The following SH2D6 variants were observed in gnomAD, a reference collection of about 807,000 sequenced individuals.
SH2D6 encodes the protein SH2 domain containing 6, also known as SH2 domain-containing protein 6.
In SH2D6, 31 loss-of-function variants were observed where a neutral mutation model predicts 30.2. The ratio of observed to expected loss-of-function variants is 1.03; its 90% confidence interval spans 0.77 to 1.38. The LOEUF is 1.38. Among genes scored for constraint, SH2D6 ranks in the 40% most tolerant of loss-of-function variants. The probability of loss-of-function intolerance (pLI) is 0.00; values close to 1 mark genes in which losing one functional copy is unlikely to be tolerated. For missense variants in SH2D6, 240 were observed against 266.8 expected (o/e 0.90, Z 0.70); for synonymous variants, 93 against 104.6 (o/e 0.89, Z 0.68).
chr2:85,432,463 A>AAG, intron 14 of SH2D6, among the ~76,000 whole-genome samples: 1 of 150,886 alleles, frequency 6.6e-6, no homozygotes, highest in African/African-American at 2.4e-5. Context: ...GCAGTGGCGC[A>AAG]ATCTCGGCTC....
chr2:85,435,540 C>T lies in SH2D6; in HGVS notation c.732+44C>T, dbSNP rs779575401. 10 of 1,604,290 alleles carry T rather than the reference C, an allele frequency of 6.2e-6. No individual in the cohort carries two copies. The Admixed American group carries it at 1.7e-4, about 27-fold the overall frequency. On this transcript the variant is annotated intron_variant, in intron 21 of 23. Coordinates refer to ENST00000469800, the MANE Select transcript of SH2D6 (RefSeq NM_001394463.1). ...CGGGTCTTCTCCAAAACCCCTTTTG[C>T]TCACAGGCTGTGGCTGGCCGAGCAG... is the stretch of plus-strand genomic sequence containing the variant.
chr2:85,424,115 G>A (rs77130792), intron 5 of SH2D6, among the ~76,000 whole-genome samples: 1,815 of 152,216 alleles, frequency 0.012, 44 homozygotes, highest in African/African-American at 0.042. Context: ...CTCTCCCCAC[G>A]CACTTGGCCC....
chr2:85,432,218 C>T (rs1688755911), intron 14 of SH2D6, among the ~76,000 whole-genome samples: 2 of 136,582 alleles, frequency 1.5e-5, no homozygotes, highest in African/African-American at 2.7e-5. Flanking sequence ...AGAGTCTGCT[C>T]TTTTTTTTTT....
chr2:85,425,339 A>G lies in SH2D6; in HGVS notation c.-277A>G, dbSNP rs549105465. 1.3e-4 allele frequency: 19 copies of G among 143,548 alleles called. No homozygotes were observed. The highest frequency in any genetic ancestry group is 4.7e-4 in the African/African-American group (18 of 38,430). The allele number at this position is 143,548 out of a possible 1,614,324, so 8.9% of individuals were successfully genotyped here. On this transcript the variant is annotated 5_prime_UTR_variant, in exon 6 of 24. Coordinates refer to ENST00000469800, the MANE Select transcript of SH2D6 (RefSeq NM_001394463.1). ...GAGCAATGGCGCGATTTCGGCTCAC[A>G]GCAACCTCCGCCTCCTGGGTTCAAG...
At chr2:85,434,711 C>T in intron 19 of SH2D6, 1 of 1,418,916 alleles carries the variant, frequency 7.0e-7, no homozygotes, top group South Asian at 1.5e-5. Flanking sequence ...GCCCTGCAGG[C>T]CAGACTCCCT....
chr2:85,434,208 T>C, intron 17 of SH2D6, 97 bp downstream of exon 17: 3 of 1,521,742 alleles, frequency 2.0e-6, no homozygotes, highest in Non-Finnish European at 2.7e-6. Flanking sequence ...GACCCTGGGA[T>C]GGAATCTCCT....
chr2:85,423,313 C>T (rs567674283), intron 5 of SH2D6, among the ~76,000 whole-genome samples: 12 of 152,366 alleles, frequency 7.9e-5, no homozygotes, highest in African/African-American at 2.9e-4. Flanking sequence ...CTCACTGCAA[C>T]TCCCACCTCC....
chr2:85,429,300 G>GC (rs1299286759), intron 7 of SH2D6, 72 bp from the exon 8 acceptor site: 1 of 152,370 alleles, frequency 6.6e-6, no homozygotes, highest in African/African-American at 2.4e-5. Context: ...CTGGGGCTGG[G>GC]CCCTGAGAGT....
chr2:85,428,113 C>G (rs548193351), intron 6 of SH2D6, among the ~76,000 whole-genome samples: 13 of 152,322 alleles, frequency 8.5e-5, no homozygotes, highest in African/African-American at 3.1e-4. Context: ...CCCAGCCCTC[C>G]TTTTTATCTT....
Position 85,418,738 on chromosome 2 carries a change from T to TCCGGACGCG in SH2D6, c.-977_-976insGCCGGACGC, listed in dbSNP as rs1687641685. 3 of 152,316 alleles carry TCCGGACGCG rather than the reference T, an allele frequency of 2.0e-5. No individual in the cohort carries two copies. The highest frequency in any genetic ancestry group is 7.2e-5 in the African/African-American group (3 of 41,558). The allele number at this position is 152,316 out of a possible 1,614,324, so 9.4% of individuals were successfully genotyped here. A position where few individuals can be genotyped will look rare whatever the true frequency, so the allele number is the denominator to read the frequency against. On this transcript the variant is annotated 5_prime_UTR_variant, in exon 1 of 24. Coordinates refer to ENST00000469800, the MANE Select transcript of SH2D6 (RefSeq NM_001394463.1). ...CGTTGGGCGGGGCCTTGGGTGCTGATCCGGACGCAAAGATTGCGCCAGCCA... is the reference window on the plus strand; with the variant it reads ...CGTTGGGCGGGGCCTTGGGTGCTGATCCGGACGCGCCGGACGCAAAGATTGCGCCAGCCA...
chr2:85,436,738 A>G, intron 23 of SH2D6, 99 bp from the exon 24 acceptor site: 3 of 656,726 alleles, frequency 4.6e-6, no homozygotes, highest in South Asian at 3.5e-5. Context: ...CTGGAGGCCC[A>G]GGGAAGGGTC....
In SH2D6 at chr2:85,434,503, TA is replaced by T; in HGVS notation, c.589+9del. The T allele has an allele frequency of 6.5e-7, 1 of 1,549,810 alleles. No individual in the cohort carries two copies. Among genetic ancestry groups the T allele is most frequent in the South Asian group, 1.2e-5 (1 of 84,042 alleles). On this transcript the variant is annotated splice_region_variant and intron_variant, in intron 19 of 23. Coordinates refer to ENST00000469800, the MANE Select transcript of SH2D6 (RefSeq NM_001394463.1). Reference sequence around the variant, plus strand: ...AGCAGATGCTGCCTCTAAAGGTGAGTAAAGGCTGGTCCAAAGGTAGTGAGTT... The same window carrying T: ...AGCAGATGCTGCCTCTAAAGGTGAGTAAGGCTGGTCCAAAGGTAGTGAGTT...
At chr2:85,426,299 G>A (rs1367428240) in intron 6 of SH2D6, among the ~76,000 whole-genome samples, 3 of 152,126 alleles carry the variant, frequency 2.0e-5, no homozygotes, top group Admixed American at 2.0e-4. Context: ...GTAGGTTTTC[G>A]TCCACGGTTC....
At chr2:85,427,022 G>A (rs959823748) in intron 6 of SH2D6, among the ~76,000 whole-genome samples, 5 of 152,246 alleles carry the variant, frequency 3.3e-5, no homozygotes, top group Non-Finnish European at 5.9e-5. Flanking sequence ...CCGCCACCAC[G>A]TTTGGTCACA....
At chr2:85,436,723 C>G (rs1436068107) in intron 23 of SH2D6, 114 bp from the exon 24 acceptor site, 3 of 721,792 alleles carry the variant, frequency 4.2e-6, no homozygotes, top group Admixed American at 4.4e-5. Flanking sequence ...ATGGGGAAAG[C>G]CTGCCTGGAG....
chr2:85,435,497 G>A lies in SH2D6; in HGVS notation c.732+1G>A. 2 of 1,613,342 alleles carry A rather than the reference G, an allele frequency of 1.2e-6. No homozygotes were observed. The highest frequency in any genetic ancestry group is 8.5e-7 in the Non-Finnish European group (1 of 1,179,802). ...GAGTGCCCTGCTCCACTTACAAAAG[G>A]TGGGCAGCCACGGACCCCGGGTCTT... is the stretch of plus-strand genomic sequence containing the variant. On this transcript the variant is annotated splice_donor_variant, in intron 21 of 23. Transcript: ENST00000469800. LOFTEE classifies it high-confidence loss of function.
chr2:85,426,221 G>C (rs1688039056), intron 6 of SH2D6, among the ~76,000 whole-genome samples: 1 of 151,978 alleles, frequency 6.6e-6, no homozygotes, highest in African/African-American at 2.4e-5. Flanking sequence ...TCACACCACG[G>C]GTCCCGGCTA....
At chr2:85,419,399 G>GC (rs1262295639) in intron 2 of SH2D6, among the ~76,000 whole-genome samples, 155 bp downstream of exon 2, 15 of 152,210 alleles carry the variant, frequency 9.9e-5, no homozygotes, top group Admixed American at 9.8e-4. Flanking sequence ...GCTACAGAAG[G>GC]GACTTACCCA....
chr2:85,419,490 C>T (rs913722781), intron 2 of SH2D6, among the ~76,000 whole-genome samples: 1 of 152,194 alleles, frequency 6.6e-6, no homozygotes, highest in African/African-American at 2.4e-5. Flanking sequence ...TTCATCCACC[C>T]TTCTGGGCCA....
Sources: gnomAD v4.1 joint callset for allele counts (sites outside exome capture counted in the v4.1 genomes callset) on GRCh38, gnomAD v4.1.1 for gene constraint, MANE v1.5 for transcripts, NCBI Gene and HGNC (gene_info 2026-07-23, HGNC 2026-07-21) for gene names.